The following WDTC1 variants were observed in gnomAD, a reference collection of about 807,000 sequenced individuals.
WDTC1 encodes WD and tetratricopeptide repeats protein 1.
A neutral mutation model predicts 76.0 loss-of-function variants in WDTC1; 12 were observed. The observed-to-expected ratio is 0.16, with a 90% CI of 0.10 to 0.26. The LOEUF (loss-of-function observed/expected upper bound fraction) is 0.26, where lower values mean the gene tolerates loss of function less well. WDTC1 is among the 10% of genes least tolerant of loss of function. WDTC1 has a pLI of 1.00. For synonymous variants in WDTC1, 326 were observed against 350.8 expected, an observed-to-expected ratio of 0.93 and a Z score of 0.79; for missense variants, 511 against 908.8, an observed-to-expected ratio of 0.56 and a Z score of 5.63.
At chr1:27,259,871 A>C (rs1051435818) in intron 1 of WDTC1, among the ~76,000 whole-genome samples, 19 of 150,718 alleles carry the variant, frequency 1.3e-4, no homozygotes, top group Admixed American at 1.1e-3. Flanking sequence ...AAAAAAAAAA[A>C]GAGAGAAAAG....
chr1:27,298,684 A>C (rs1340903058), intron 12 of WDTC1, among the ~76,000 whole-genome samples: 1 of 152,176 alleles, frequency 6.6e-6, no homozygotes, highest in Admixed American at 6.5e-5. Context: ...AGAACTCCTC[A>C]TCTTTGGAGA....
In WDTC1 at chr1:27,306,437, G is replaced by GC; in HGVS notation, c.*55dup. ...CTACTGGCTGGACCCTCTGCCCTGGGCAGGAGGTCAGGGGATTCTGTTTTG... is the reference window on the plus strand; with the variant it reads ...CTACTGGCTGGACCCTCTGCCCTGGGCCAGGAGGTCAGGGGATTCTGTTTTG... On this transcript the variant is annotated 3_prime_UTR_variant, in exon 16 of 16. Coordinates refer to ENST00000319394, the MANE Select transcript of WDTC1 (RefSeq NM_001276252.2). This position sits in a 1 kb window ranked among gnomAD's most constrained non-coding sequence, Gnocchi z 5.0. The GC allele has an allele frequency of 6.4e-7, 1 of 1,573,322 alleles. No individual in the cohort carries two copies.
Position 27,301,518 on chromosome 1 carries a change from A to G in WDTC1, c.1468+57A>G. On this transcript the variant is annotated intron_variant, in intron 13 of 15. Coordinates refer to ENST00000319394, the MANE Select transcript of WDTC1 (RefSeq NM_001276252.2). The surrounding 1 kb of genome is among the most constrained non-coding windows in gnomAD (Gnocchi z 5.8). ...CTCTTTCTCTTTGAGATGCTGCATG[A>G]CATTCTGGAGAGGTCATGGTTCTGG... The G allele has an allele frequency of 6.4e-7, 1 of 1,574,318 alleles. No homozygotes were observed. The highest frequency in any genetic ancestry group is 8.6e-7 in the Non-Finnish European group (1 of 1,158,002).
At chr1:27,264,464 C>A (rs868712620) in intron 3 of WDTC1, among the ~76,000 whole-genome samples, 6 of 151,144 alleles carry the variant, frequency 4.0e-5, no homozygotes, top group African/African-American at 9.7e-5. Context: ...AAAAAAAAAA[C>A]CAAAACCAAA....
chr1:27,264,758 G>A (rs1490503385), intron 3 of WDTC1, among the ~76,000 whole-genome samples: 1 of 151,960 alleles, frequency 6.6e-6, no homozygotes, highest in Non-Finnish European at 1.5e-5. Context: ...AAAGTGCTGG[G>A]AATTCAGGCG....
intron 3 of WDTC1, among the ~76,000 whole-genome samples, chr1:27,264,049 GA>G (rs1264209389): frequency 6.6e-6 from 1 of 152,004 alleles, no homozygotes; most frequent in East Asian, 1.9e-4. Flanking sequence ...AGCACTTTGG[GA>G]GGTCAAGGAG....
At position 27,291,708 on chromosome 1, in the gene WDTC1, C is replaced by A. The variant is rs146817279; in HGVS notation, c.480-507C>A. ...ATCTGCAGAGTCTCTTTTCTGTCAC[C>A]TCCATACCTTGTTTCATGAAAGAAA... On this transcript the variant is annotated intron_variant, in intron 6 of 15. Transcript: ENST00000319394. Among the ~76,000 whole-genome samples the A allele has an allele frequency of 1.5e-3, 235 of 152,258 alleles. 1 individual carries two copies. The highest frequency in any genetic ancestry group is 5.3e-3 in the African/African-American group (220 of 41,544).
chr1:27,262,290 A>G (rs1179711260), intron 2 of WDTC1, among the ~76,000 whole-genome samples: 1 of 152,070 alleles, frequency 6.6e-6, no homozygotes, highest in East Asian at 1.9e-4. Flanking sequence ...AGCTGTGGTC[A>G]CCATTTAGAA....
At chr1:27,275,796 A>G (rs569962168) in intron 3 of WDTC1, among the ~76,000 whole-genome samples, 1 of 152,082 alleles carries the variant, frequency 6.6e-6, no homozygotes, top group Admixed American at 6.6e-5. Flanking sequence ...TTGACTATTC[A>G]CAAACTATAC....
chr1:27,267,288 C>T (rs954619359), intron 3 of WDTC1, among the ~76,000 whole-genome samples: 4 of 151,510 alleles, frequency 2.6e-5, no homozygotes, highest in Non-Finnish European at 4.4e-5. Flanking sequence ...CACTCTGTCG[C>T]CTAGGCTGTG....
chr1:27,286,261 C>G (rs1467062336), intron 5 of WDTC1, among the ~76,000 whole-genome samples: 4 of 151,310 alleles, frequency 2.6e-5, no homozygotes, highest in Non-Finnish European at 4.4e-5. Context: ...CCTCGGCCCC[C>G]CAAAGTGTTG....
chr1:27,290,810 A>G (rs1431853009), intron 6 of WDTC1, among the ~76,000 whole-genome samples: 1 of 152,244 alleles, frequency 6.6e-6, no homozygotes, highest in East Asian at 1.9e-4. Context: ...GATGAGGAAT[A>G]TCTAAGTCAT....
intron 3 of WDTC1, 51 bp downstream of exon 3, chr1:27,263,286 C>G (rs1466982555): frequency 6.4e-7 from 1 of 1,570,902 alleles, no homozygotes; most frequent in Admixed American, 1.7e-5. Context: ...TGTCCATTCT[C>G]TGCCTGCAGA....
intron 1 of WDTC1, among the ~76,000 whole-genome samples, chr1:27,248,772 A>C (rs1004194181): frequency 5.3e-5 from 8 of 151,562 alleles, no homozygotes; most frequent in African/African-American, 1.5e-4. Context: ...CAGTCCTCCC[A>C]CCTCAGCCTC....
intron 1 of WDTC1, among the ~76,000 whole-genome samples, chr1:27,257,784 TTTTG>T (rs1224821360): frequency 2.6e-5 from 4 of 152,034 alleles, no homozygotes; most frequent in Admixed American, 6.6e-5. Context: ...TTGCCTGTTT[TTTTG>T]TTTGTTTGTT....
chr1:27,268,304 AAG>A (rs2012738455), intron 3 of WDTC1, among the ~76,000 whole-genome samples: 1 of 152,208 alleles, frequency 6.6e-6, no homozygotes, highest in African/African-American at 2.4e-5. Flanking sequence ...AACTTAAAAA[AAG>A]AGAGATTTCA....
At chr1:27,281,852 C>T (rs2013201277) in intron 3 of WDTC1, among the ~76,000 whole-genome samples, 1 of 152,116 alleles carries the variant, frequency 6.6e-6, no homozygotes, top group South Asian at 2.1e-4. Flanking sequence ...GATTGGGCAG[C>T]CTCCCAAAGC....
intron 11 of WDTC1, 83 bp from the exon 12 acceptor site, chr1:27,297,855 G>A (rs1293804748): frequency 1.1e-5 from 15 of 1,419,930 alleles, no homozygotes; most frequent in Admixed American, 1.0e-4. Flanking sequence ...AATCTGGGTG[G>A]CCCTCAGGCC....
At chr1:27,276,693 GA>G (rs774538223) in intron 3 of WDTC1, among the ~76,000 whole-genome samples, 18 of 136,612 alleles carry the variant, frequency 1.3e-4, no homozygotes, top group South Asian at 2.3e-4. Context: ...ACTTCGTCTC[GA>G]AAAAAAAAAA....
Sources: allele counts gnomAD v4.1 joint callset (sites outside exome capture counted in the v4.1 genomes callset), GRCh38; gene constraint gnomAD v4.1.1; non-coding constraint Gnocchi (gnomAD v3.1); transcripts MANE v1.5; gene names NCBI Gene and HGNC (gene_info 2026-07-23, HGNC 2026-07-21).